Variants in ZNF28 observed in about 807,000 individuals in gnomAD.
ZNF28 encodes zinc finger protein KOX24.
Under a neutral mutation model 7.2 loss-of-function variants are expected in ZNF28, and 5 were observed. That is an observed-to-expected ratio of 0.70 (90% CI 0.36 to 1.46). The LOEUF is 1.46. Ranked by LOEUF, ZNF28 falls within the 40% of genes most tolerant of loss-of-function variation. The pLI is 0.03. For missense variants in ZNF28, 879 were observed against 866.6 expected, an observed-to-expected ratio of 1.01 and a Z score of -0.18; for synonymous variants, 288 against 292.4, an observed-to-expected ratio of 0.99 and a Z score of 0.15.
rs749946821 is a variant in ZNF28 at position 52,801,314 on chromosome 19, G to C, written c.531C>G (p.Ser177=). 2 of 1,614,060 alleles carry C rather than the reference G, an allele frequency of 1.2e-6. No homozygotes were observed. Among genetic ancestry groups the C allele is most frequent in the Non-Finnish European group, 1.7e-6 (2 of 1,179,998 alleles). ...TTTTGGGCCTACAACAAATTCTTTG[G>C]GATGTTGAAACTGAGGAAGCATTGT... ...SINNASSVST[S]QRICCRPKTH... The change falls in exon 4 of 4, where the codon TCC becomes TCG. Residue 177 remains serine, a synonymous_variant. Transcript: ENST00000457749.
chr19:52,809,846 T>TGGC (rs2147648018), intron 2 of ZNF28: 1 of 491,068 alleles, frequency 2.0e-6, no homozygotes, highest in South Asian at 2.3e-5. Flanking sequence ...GCGGTGGCGG[T>TGGC]GGTGGCAGTA....
Position 52,812,162 on chromosome 19 carries a change from C to A in ZNF28, c.16-4029G>T, listed in dbSNP as rs1297769123. Among the ~76,000 whole-genome samples the A allele has an allele frequency of 3.9e-4, 50 of 126,974 alleles. 2 individuals carry two copies. The East Asian group carries it at 0.011, about 28-fold the overall frequency. The allele number at this position is 126,974 out of a possible 152,430, so 83.3% of individuals were successfully genotyped here. On this transcript the variant is annotated intron_variant, in intron 2 of 3. Transcript: ENST00000457749. ...GTGGTGGGGGGGTCAGCCCCCCGCC[C>A]GGCCAGCCGCCCCATCTGGGAGGTG... is the stretch of plus-strand genomic sequence containing the variant.
Position 52,808,086 on chromosome 19 carries a change from C to T in ZNF28, c.63G>A (p.Glu21=), listed in dbSNP as rs1214700519. ...TCTGAGCAGGGTCCAGGCATTTCCA[C>T]TCCTCCTGAGAGAATTCTATGGCCA... is the stretch of plus-strand genomic sequence containing the variant. ...RDVAIEFSQE[E]WKCLDPAQRT... The change falls in exon 3 of 4, where the codon GAG becomes GAA. Residue 21 remains glutamate (E), a synonymous_variant. Transcript: ENST00000457749. The T allele has an allele frequency of 6.2e-7, 1 of 1,613,514 alleles. No individual in the cohort carries two copies. The highest frequency in any genetic ancestry group is 1.7e-5 in the Admixed American group (1 of 59,980).
chr19:52,814,548 C>G (rs1467925381), intron 2 of ZNF28: 1 of 146,022 alleles, frequency 6.8e-6, no homozygotes, highest in African/African-American at 2.7e-5. Flanking sequence ...GATCCGACAT[C>G]ACACCACTGC....
chr19:52,821,002 G>A (rs1315257837), intron 1 of ZNF28, among the ~76,000 whole-genome samples: 1 of 152,110 alleles, frequency 6.6e-6, no homozygotes, highest in Non-Finnish European at 1.5e-5. Context: ...CAGAGCTGGA[G>A]CTGGGCGGGC....
At chr19:52,804,601 C>A (rs368832995) in intron 3 of ZNF28, among the ~76,000 whole-genome samples, 70 of 152,236 alleles carry the variant, frequency 4.6e-4, no homozygotes, top group African/African-American at 1.6e-3. Flanking sequence ...AAACTCGTGA[C>A]CTCAAGTGAT....
intron 2 of ZNF28, chr19:52,810,741 A>C (rs2063010609): frequency 1.5e-6 from 1 of 685,024 alleles, no homozygotes; most frequent in African/African-American, 2.0e-5. Context: ...GAGGAAAAAA[A>C]GAGGAAAGAA....
chr19:52,802,092 A>G (rs1476370673), intron 3 of ZNF28, among the ~76,000 whole-genome samples: 1 of 152,264 alleles, frequency 6.6e-6, no homozygotes, highest in African/African-American at 2.4e-5. Context: ...TAAATGCTAA[A>G]GAACCACACA....
intron 3 of ZNF28, among the ~76,000 whole-genome samples, chr19:52,806,479 C>T (rs1289640820): frequency 6.6e-6 from 1 of 152,028 alleles, no homozygotes; most frequent in Non-Finnish European, 1.5e-5. Context: ...CAGGTGTCAG[C>T]CACTGCACAC....
intron 2 of ZNF28, among the ~76,000 whole-genome samples, chr19:52,814,589 C>CA (rs2063098773): frequency 7.3e-6 from 1 of 137,314 alleles, no homozygotes; most frequent in South Asian, 2.5e-4. Context: ...GACTTTGTCT[C>CA]AAAAAGAAAA....
At chr19:52,815,936 G>A (rs1227825014) in intron 2 of ZNF28, among the ~76,000 whole-genome samples, 1 of 147,070 alleles carries the variant, frequency 6.8e-6, no homozygotes, top group Non-Finnish European at 1.5e-5. Context: ...TTCACATGTA[G>A]CCCCAAACGT....
At chr19:52,810,216 G>A (rs2063000899) in intron 2 of ZNF28, 3 of 1,106,126 alleles carry the variant, frequency 2.7e-6, no homozygotes, top group East Asian at 2.3e-5. Context: ...GCTACAGAAC[G>A]ACGTAGAGAA....
At position 52,800,077 on chromosome 19, in the gene ZNF28, T is replaced by G. The variant is rs1367228977; in HGVS notation, c.1768A>C (p.Arg590=). ...KCKVCDKAFR[R]DSHLAQHQRV... ...TGATGTTGTGCCAGGTGTGAATCCC[T>G]CCGGAAAGCCTTGTCACAAACCTTA... Residue 590 remains arginine, a synonymous_variant, in exon 4 of 4, where the codon AGG becomes CGG. Coordinates refer to ENST00000457749, the MANE Select transcript of ZNF28 (RefSeq NM_006969.5). 6.2e-7 allele frequency: 1 copy of G among 1,614,030 alleles called. No individual in the cohort carries two copies. The highest frequency in any genetic ancestry group is 8.5e-7 in the Non-Finnish European group (1 of 1,179,966).
Position 52,800,413 on chromosome 19 carries a change from A to T in ZNF28, c.1432T>A (p.Cys478Ser). The T allele has an allele frequency of 6.2e-7, 1 of 1,610,728 alleles. No homozygotes were observed. The highest frequency in any genetic ancestry group is 2.2e-5 in the East Asian group (1 of 44,678). The change falls in exon 4 of 4, where the codon TGC becomes AGC. Residue 478 changes from cysteine (C) to serine (S), a missense_variant. Physicochemically the swap from Cys to Ser is moderately radical, Grantham distance 112. This residue lies in a region of ZNF28 where 864 missense variants were observed against 830.2 expected (regional missense o/e 1.04). Coordinates refer to ENST00000457749, the MANE Select transcript of ZNF28 (RefSeq NM_006969.5). The part of the protein sequence containing the change: ...KCEECDKVFR[C>S]KSHLERHRRI... ...CTATGTCTTTCAAGGTGTGATTTGC[A>T]CCTGAAAACTTTGTCACATTCTTCA...
intron 2 of ZNF28, among the ~76,000 whole-genome samples, chr19:52,812,143 G>GA (rs1428123447): frequency 1.6e-5 from 2 of 123,862 alleles, no homozygotes; most frequent in East Asian, 4.7e-4. Flanking sequence ...GAGGGTGGTG[G>GA]GGGGGTCAGC....
intron 3 of ZNF28, chr19:52,806,081 T>C (rs2147632474): frequency 6.6e-6 from 1 of 152,258 alleles, no homozygotes; most frequent in Non-Finnish European, 1.5e-5. Context: ...ATAAAAGGCA[T>C]GAAAAACACT....
chr19:52,810,685 A>T (rs1197312135), intron 2 of ZNF28: 13 of 845,068 alleles, frequency 1.5e-5, no homozygotes, highest in Non-Finnish European at 2.7e-5. Context: ...GGCTAGAGCG[A>T]CATCACGGTA....
chr19:52,800,111 C>A lies in ZNF28; in HGVS notation c.1734G>T (p.Pro578=), dbSNP rs141513354. Residue 578 remains proline, a synonymous_variant, in exon 4 of 4, where the codon CCG becomes CCT. Coordinates refer to ENST00000457749, the MANE Select transcript of ZNF28 (RefSeq NM_006969.5). Reference sequence around the variant, plus strand: ...CCTTGTCACAAACCTTACATTTGTACGGTTTCTCTCCAGTATGAATCCTCC... The same window carrying A: ...CCTTGTCACAAACCTTACATTTGTAAGGTTTCTCTCCAGTATGAATCCTCC... ...RHRRIHTGEK[P]YKCKVCDKAF... 6.2e-6 allele frequency: 10 copies of A among 1,609,002 alleles called. No individual in the cohort carries two copies. Among genetic ancestry groups the A allele is most frequent in the South Asian group, 3.3e-5 (3 of 90,794 alleles).
Position 52,800,689 on chromosome 19 carries a change from C to T in ZNF28, c.1156G>A (p.Glu386Lys). The T allele has an allele frequency of 6.2e-7, 1 of 1,613,774 alleles. No homozygotes were observed. Among genetic ancestry groups the T allele is most frequent in the Non-Finnish European group, 8.5e-7 (1 of 1,179,950 alleles). ...LHTGEKPYEC[E>K]ECEKVFSRKS... Reference sequence around the variant, plus strand: ...CGACTGAAAACTTTTTCACATTCTTCACATTCATAAGGTTTCTCTCCAGTA... The same window carrying T: ...CGACTGAAAACTTTTTCACATTCTTTACATTCATAAGGTTTCTCTCCAGTA... The change falls in exon 4 of 4, where the codon GAA becomes AAA. Residue 386 changes from glutamate (E) to lysine (K), a missense_variant. This residue lies in a region of ZNF28 where 864 missense variants were observed against 830.2 expected (regional missense o/e 1.04). Coordinates refer to ENST00000457749, the MANE Select transcript of ZNF28 (RefSeq NM_006969.5).
Sources: allele counts gnomAD v4.1 joint callset (sites outside exome capture counted in the v4.1 genomes callset), GRCh38; gene constraint gnomAD v4.1.1; regional missense constraint gnomAD v4.1.1; transcripts MANE v1.5; gene names NCBI Gene and HGNC (gene_info 2026-07-23, HGNC 2026-07-21).